Variants in FGD4 observed in about 807,000 individuals in gnomAD.
FGD4 encodes FYVE, RhoGEF and PH domain containing 4, also known as FYVE, RhoGEF and PH domain-containing protein 4.
A neutral mutation model predicts 102.0 loss-of-function variants in FGD4; 42 were observed. The observed-to-expected ratio is 0.41, with a 90% CI of 0.32 to 0.53. The LOEUF (loss-of-function observed/expected upper bound fraction) is 0.53. Among genes scored for constraint, FGD4 ranks in the 20% least tolerant of loss-of-function variants. The pLI is 0.21. For missense variants in FGD4, 902 were observed against 1,078.2 expected (o/e 0.84, Z 2.29); for synonymous variants, 380 against 375.7 (o/e 1.01, Z -0.13).
chr12:32,433,934 C>T (rs1243413596), intron 1 of FGD4, among the ~76,000 whole-genome samples: 2 of 151,986 alleles, frequency 1.3e-5, no homozygotes, highest in African/African-American at 4.8e-5. Flanking sequence ...TGGCTCACTG[C>T]GACCTCCGCC....
rs1470162169 is a variant in FGD4 at position 32,508,082 on chromosome 12, T to C, written c.167-56055T>C. ...AGAGTATCATTTGCATTCAGTGTGA[T>C]TGACATAGCAGAGGAGGGATGAAGG... On this transcript the variant is annotated intron_variant, in intron 1 of 16. Transcript: ENST00000534526. Among the ~76,000 whole-genome samples the C allele has an allele frequency of 2.6e-5, 4 of 152,158 alleles. No individual in the cohort carries two copies. The East Asian group carries it at 7.7e-4, about 29-fold the overall frequency.
chr12:32,462,361 ATGTTGGCCAGACTGGCCTCAAACTCC>A (rs765272521), intron 1 of FGD4, among the ~76,000 whole-genome samples: 2 of 151,900 alleles, frequency 1.3e-5, no homozygotes, highest in Admixed American at 6.6e-5. Context: ...GGGTTTCATC[ATGTTGGCCAGACTGGCCTCAAACTCC>A]TGACCTCAGG....
At chr12:32,562,404 A>T (rs1944688546) in intron 1 of FGD4, among the ~76,000 whole-genome samples, 1 of 152,164 alleles carries the variant, frequency 6.6e-6, no homozygotes, top group South Asian at 2.1e-4. Flanking sequence ...GGTCAGGGGA[A>T]ATTTAACTTA....
At chr12:32,600,592 C>CTTTTTTTTT (rs1181093585) in intron 5 of FGD4, 14 of 200,868 alleles carry the variant, frequency 7.0e-5, no homozygotes, top group Admixed American at 8.5e-5. Context: ...TTCTTTCTTT[C>CTTTTTTTTT]TTTTTTTTTT....
chr12:32,404,385 C>A (rs1940834577), intron 1 of FGD4, among the ~76,000 whole-genome samples: 1 of 151,544 alleles, frequency 6.6e-6, no homozygotes, highest in Admixed American at 6.6e-5. Flanking sequence ...TTGGTGAAAG[C>A]AATACAAAAA....
chr12:32,561,946 C>T (rs190920505), intron 1 of FGD4, among the ~76,000 whole-genome samples: 3 of 152,182 alleles, frequency 2.0e-5, no homozygotes, highest in East Asian at 3.9e-4. Context: ...TCACCGTTAG[C>T]GTATGTCATG....
intron 16 of FGD4, among the ~76,000 whole-genome samples, chr12:32,639,197 C>T (rs1951021309): frequency 1.3e-5 from 2 of 152,126 alleles, no homozygotes; most frequent in South Asian, 2.1e-4. Context: ...GAGTTTTGCT[C>T]ATGTCACCCA....
intron 2 of FGD4, among the ~76,000 whole-genome samples, chr12:32,568,788 T>C (rs1945395629): frequency 6.6e-6 from 1 of 152,246 alleles, no homozygotes. Flanking sequence ...TTTTGTTGTT[T>C]CTGTTTTCAA....
In FGD4 at chr12:32,399,912, G is replaced by A. The variant is rs764590230; in HGVS notation, c.119G>A (p.Arg40His). Residue 40 changes from arginine (R) to histidine (H), a missense_variant, in exon 1 of 17, where the codon CGT (arginine) becomes CAT (histidine). Physicochemically the swap from Arg to His is conservative, Grantham distance 29. This residue lies in a region of FGD4 where 443 missense variants were observed against 459.2 expected (regional missense o/e 0.96). Transcript: ENST00000534526. ...AGCAGGCCCGCGTCGCACCTGGGACGTGTAGGGACCGCTGCCTTCAAGGGC... is the reference window on the plus strand; with the variant it reads ...AGCAGGCCCGCGTCGCACCTGGGACATGTAGGGACCGCTGCCTTCAAGGGC... Reference protein sequence around the residue: ...PWSRPASHLGRVGTAAFKGQV... With the variant: ...PWSRPASHLGHVGTAAFKGQV... The A allele has an allele frequency of 5.3e-6, 8 of 1,521,750 alleles. No individual in the cohort carries two copies. The highest frequency in any genetic ancestry group is 7.0e-6 in the Non-Finnish European group (8 of 1,141,098). 94.3% of individuals were successfully genotyped at this position (1,521,750 alleles called of 1,614,324 possible).
intron 1 of FGD4, among the ~76,000 whole-genome samples, chr12:32,422,287 GCTTT>G (rs1941660554): frequency 1.1e-5 from 1 of 91,678 alleles, no homozygotes; most frequent in African/African-American, 4.0e-5. Flanking sequence ...ATTGGGAGCT[GCTTT>G]TTTTTTTTTT....
intron 1 of FGD4, among the ~76,000 whole-genome samples, chr12:32,420,605 A>C (rs771632710): frequency 6.6e-6 from 1 of 152,166 alleles, no homozygotes; most frequent in Admixed American, 6.5e-5. Context: ...ACGGTTGTTC[A>C]TCTTTTATGA....
chr12:32,622,331 GA>G (rs983934068), intron 11 of FGD4, among the ~76,000 whole-genome samples: 1 of 152,184 alleles, frequency 6.6e-6, no homozygotes, highest in African/African-American at 2.4e-5. Context: ...TAGTTTGCCT[GA>G]ATGGATACTT....
At chr12:32,547,058 T>G (rs1943279448) in intron 1 of FGD4, among the ~76,000 whole-genome samples, 1 of 152,204 alleles carries the variant, frequency 6.6e-6, no homozygotes. Flanking sequence ...CAGTGACTTG[T>G]GTACCTGCTC....
chr12:32,410,707 T>C (rs1270293572), intron 1 of FGD4, among the ~76,000 whole-genome samples: 1 of 152,062 alleles, frequency 6.6e-6, no homozygotes, highest in Non-Finnish European at 1.5e-5. Context: ...GGAATTAAAC[T>C]GTCAGCCTTC....
At chr12:32,631,077 T>C (rs779935392) in intron 14 of FGD4, among the ~76,000 whole-genome samples, 1 of 152,240 alleles carries the variant, frequency 6.6e-6, no homozygotes, top group Non-Finnish European at 1.5e-5. Context: ...TCCCCTGTTG[T>C]TTATGCAGTT....
intron 1 of FGD4, among the ~76,000 whole-genome samples, chr12:32,515,718 A>C (rs998789175): frequency 3.3e-5 from 5 of 152,140 alleles, no homozygotes; most frequent in Non-Finnish European, 7.4e-5. Flanking sequence ...TTTCCTCTTG[A>C]ATTAATTATG....
At chr12:32,563,164 T>C (rs1183114444) in intron 1 of FGD4, among the ~76,000 whole-genome samples, 1 of 147,596 alleles carries the variant, frequency 6.8e-6, no homozygotes, top group African/African-American at 2.5e-5. Context: ...CCCTCCCGGA[T>C]GGGGTGGCTG....
chr12:32,600,470 A>G, intron 5 of FGD4: 1 of 1,283,840 alleles, frequency 7.8e-7, no homozygotes, highest in Non-Finnish European at 1.0e-6. Flanking sequence ...GAAGGAATAG[A>G]CCTCCTTCTG....
chr12:32,492,777 T>G (rs1944152470), intron 1 of FGD4, among the ~76,000 whole-genome samples: 1 of 152,212 alleles, frequency 6.6e-6, no homozygotes, highest in Non-Finnish European at 1.5e-5. Context: ...TTTGGTTATT[T>G]CTCTTATTTT....
Sources: gnomAD v4.1 joint callset for allele counts (sites outside exome capture counted in the v4.1 genomes callset) on GRCh38, gnomAD v4.1.1 for gene constraint, gnomAD v4.1.1 regional missense constraint, MANE v1.5 for transcripts, NCBI Gene and HGNC (gene_info 2026-07-23, HGNC 2026-07-21) for gene names.